The following CADPS variants were observed in gnomAD, a reference collection of about 807,000 sequenced individuals.
The protein encoded by CADPS is calcium-dependent secretion activator 1.
Under a neutral mutation model 167.3 loss-of-function variants are expected in CADPS, and 57 were observed. The ratio of observed to expected loss-of-function variants is 0.34; its 90% CI spans 0.28 to 0.42. The LOEUF is 0.42. CADPS is among the 20% of genes least tolerant of loss of function. CADPS has a pLI of 1.00. For missense variants in CADPS, 1,414 were observed against 1,738.1 expected, an observed-to-expected ratio of 0.81 and a Z score of 3.32; for synonymous variants, 676 against 635.3, an observed-to-expected ratio of 1.06 and a Z score of -0.96.
chr3:62,865,074 C>G (rs1488439861), intron 1 of CADPS, among the ~76,000 whole-genome samples: 6 of 152,164 alleles, frequency 3.9e-5, no homozygotes, highest in Non-Finnish European at 2.9e-5. Context: ...TTATGACACA[C>G]TGCCTTATAG....
chr3:62,836,495 A>G (rs1000014076), intron 1 of CADPS, among the ~76,000 whole-genome samples: 1 of 152,138 alleles, frequency 6.6e-6, no homozygotes, highest in Admixed American at 6.6e-5. Flanking sequence ...AGTTAAGGGA[A>G]AAGTGCCCCT....
At chr3:62,555,459 C>G (rs796850909) in intron 10 of CADPS, among the ~76,000 whole-genome samples, 3 of 152,306 alleles carry the variant, frequency 2.0e-5, no homozygotes, top group African/African-American at 7.2e-5. Context: ...CTGCAAGTGC[C>G]AAAGCGTGAC....
At chr3:62,740,696 T>C (rs958489445) in intron 3 of CADPS, among the ~76,000 whole-genome samples, 3 of 152,164 alleles carry the variant, frequency 2.0e-5, no homozygotes, top group African/African-American at 7.2e-5. Flanking sequence ...CACTCTGCCA[T>C]GCCCCCTACT....
At chr3:62,762,574 T>C (rs1354806879) in intron 2 of CADPS, among the ~76,000 whole-genome samples, 1 of 151,448 alleles carries the variant, frequency 6.6e-6, no homozygotes, top group Non-Finnish European at 1.5e-5. Context: ...GAGGATCACT[T>C]TAGCCAGGGA....
intron 17 of CADPS, among the ~76,000 whole-genome samples, chr3:62,508,232 G>A (rs1320650358): frequency 6.6e-6 from 1 of 152,152 alleles, no homozygotes; most frequent in African/African-American, 2.4e-5. Context: ...GGGTGGTGAT[G>A]GCTCTTGAAT....
rs1234550561 is a variant in CADPS at position 62,664,566 on chromosome 3, C to T, written c.889-2172G>A. Among the ~76,000 whole-genome samples the T allele has an allele frequency of 5.9e-5, 9 of 152,354 alleles. No individual in the cohort carries two copies. In the South Asian group the frequency reaches 1.4e-3, roughly 25 times the overall value. On this transcript the variant is annotated intron_variant, in intron 3 of 29. Coordinates refer to ENST00000383710, the MANE Select transcript of CADPS (RefSeq NM_003716.4). ...CTTGGGAAGCCCAAAAGTTCTTCAG[C>T]TCTAAGTGCAAATCCACTGGGAACA...
At chr3:62,539,182 A>C (rs1163641476) in intron 11 of CADPS, among the ~76,000 whole-genome samples, 1 of 152,078 alleles carries the variant, frequency 6.6e-6, no homozygotes, top group Non-Finnish European at 1.5e-5. Flanking sequence ...GTTTTTAAAA[A>C]ACTGTAGGAT....
chr3:62,602,646 C>G lies in CADPS; in HGVS notation c.1326-9898G>C, dbSNP rs1263730678. Among the ~76,000 whole-genome samples, 1 of 152,100 alleles carries G rather than the reference C, an allele frequency of 6.6e-6. No homozygotes were observed. The highest frequency in any genetic ancestry group is 1.5e-5 in the Non-Finnish European group (1 of 68,004). On this transcript the variant is annotated intron_variant, in intron 6 of 29. Coordinates refer to ENST00000383710, the MANE Select transcript of CADPS (RefSeq NM_003716.4). The surrounding 1 kb of genome is among the most constrained non-coding windows in gnomAD (Gnocchi z 4.4). ...TGGGTTCTTTAGTGTACTAGAAAAG[C>G]TAAGCTACCTCTCATCTACATAAGT...
At chr3:62,403,773 T>G (rs1319475095) in intron 28 of CADPS, 4 of 152,220 alleles carry the variant, frequency 2.6e-5, no homozygotes, top group Non-Finnish European at 5.9e-5. Context: ...CAAACTGTAC[T>G]CTGGGCAGCT....
At chr3:62,442,538 C>T (rs1193102943) in intron 27 of CADPS, among the ~76,000 whole-genome samples, 1 of 152,048 alleles carries the variant, frequency 6.6e-6, no homozygotes, top group Non-Finnish European at 1.5e-5. Context: ...TCTTCAAAAC[C>T]AACAACAAAA....
chr3:62,514,520 C>T lies in CADPS; in HGVS notation c.2581+1539G>A, dbSNP rs576889588. ...ATCCCCAGACCTAAAAGTCACAGTGCAAAAGATAATTAACACAACCAAGAA... is the reference window on the plus strand; with the variant it reads ...ATCCCCAGACCTAAAAGTCACAGTGTAAAAGATAATTAACACAACCAAGAA... On this transcript the variant is annotated intron_variant, in intron 16 of 29. Coordinates refer to ENST00000383710, the MANE Select transcript of CADPS (RefSeq NM_003716.4). The surrounding 1 kb of genome is among the most constrained non-coding windows in gnomAD (Gnocchi z 4.2). Among the ~76,000 whole-genome samples the T allele has an allele frequency of 2.6e-5, 4 of 152,118 alleles. No individual in the cohort carries two copies. In the South Asian group the frequency reaches 8.3e-4, roughly 32 times the overall value.
intron 3 of CADPS, among the ~76,000 whole-genome samples, chr3:62,742,073 G>A (rs2152309464): frequency 6.6e-6 from 1 of 152,206 alleles, no homozygotes; most frequent in South Asian, 2.1e-4. Context: ...TAACTAGGGG[G>A]TGAAAGATCT....
chr3:62,866,360 A>G (rs1486723389), intron 1 of CADPS, among the ~76,000 whole-genome samples: 1 of 152,104 alleles, frequency 6.6e-6, no homozygotes, highest in Non-Finnish European at 1.5e-5. Context: ...GAAGCTCTCT[A>G]GGAAATAAAG....
At chr3:62,512,685 C>CA in intron 17 of CADPS, 66 bp downstream of exon 17, 3 of 1,373,930 alleles carry the variant, frequency 2.2e-6, no homozygotes, top group Non-Finnish European at 3.0e-6. Flanking sequence ...CATTGAAAAA[C>CA]AAAAACAAAA....
At chr3:62,793,857 A>G (rs139453053) in intron 1 of CADPS, among the ~76,000 whole-genome samples, 6 of 152,320 alleles carry the variant, frequency 3.9e-5, no homozygotes, top group African/African-American at 1.4e-4. Context: ...TACAGATAAC[A>G]CTGTGGAAAA....
intron 21 of CADPS, among the ~76,000 whole-genome samples, chr3:62,484,076 CA>C (rs1385066564): frequency 6.6e-6 from 1 of 152,070 alleles, no homozygotes; most frequent in African/African-American, 2.4e-5. Context: ...TTCTATTAAT[CA>C]AAACATATTG....
rs560955503 is a variant in CADPS, at chr3:62,478,615, A to G, written c.3174-199T>C. Reference sequence around the variant, plus strand: ...ATACATGACTTAGTGTGCTTTGCTCAGCCAATTACCCCAGACCAGTGAGAA... The same window carrying G: ...ATACATGACTTAGTGTGCTTTGCTCGGCCAATTACCCCAGACCAGTGAGAA... On this transcript the variant is annotated intron_variant, in intron 22 of 29. Coordinates refer to ENST00000383710, the MANE Select transcript of CADPS (RefSeq NM_003716.4). This position sits in a 1 kb window ranked among gnomAD's most constrained non-coding sequence, Gnocchi z 5.7. Among the ~76,000 whole-genome samples the G allele has an allele frequency of 1.3e-5, 2 of 152,284 alleles. No individual in the cohort carries two copies. Among genetic ancestry groups the G allele is most frequent in the African/African-American group, 4.8e-5 (2 of 41,574 alleles).
chr3:62,427,913 T>C (rs1317655351), intron 28 of CADPS, among the ~76,000 whole-genome samples: 1 of 152,226 alleles, frequency 6.6e-6, no homozygotes, highest in Non-Finnish European at 1.5e-5. Context: ...AGGGGCTTTA[T>C]ACCTTGGTTG....
At chr3:62,509,560 A>G (rs186933598) in intron 17 of CADPS, among the ~76,000 whole-genome samples, 2 of 152,248 alleles carry the variant, frequency 1.3e-5, no homozygotes, top group Non-Finnish European at 2.9e-5. Context: ...GAAAGATACA[A>G]AACCTCAACA....
Sources: gnomAD v4.1 joint callset for allele counts (sites outside exome capture counted in the v4.1 genomes callset) on GRCh38, gnomAD v4.1.1 for gene constraint, Gnocchi (gnomAD v3.1) non-coding constraint, MANE v1.5 for transcripts, NCBI Gene and HGNC (gene_info 2026-07-23, HGNC 2026-07-21) for gene names.